The following PTTG1IP variants were observed in gnomAD, a reference collection of about 807,000 sequenced individuals.
PTTG1IP encodes pituitary tumor-transforming gene 1 protein-interacting protein.
A neutral mutation model predicts 24.4 loss-of-function variants in PTTG1IP; 16 were observed. The observed-to-expected ratio is 0.66, with a 90% CI of 0.44 to 1.00. The LOEUF (loss-of-function observed/expected upper bound fraction) is 1.00, where lower values mean the gene tolerates loss of function less well. Ranked by LOEUF, PTTG1IP falls within the 50% of genes least tolerant of loss-of-function variation. The probability of loss-of-function intolerance (pLI) is 0.00; values close to 1 mark genes in which losing one functional copy is unlikely to be tolerated. For synonymous variants in PTTG1IP, 89 were observed against 96.8 expected (o/e 0.92, Z 0.47); for missense variants, 241 against 245.8 (o/e 0.98, Z 0.13).
chr21:44,864,613 G>A (rs1040785208), intron 2 of PTTG1IP, among the ~76,000 whole-genome samples: 4 of 152,284 alleles, frequency 2.6e-5, no homozygotes, highest in Middle Eastern at 3.4e-3. Flanking sequence ...TGGTCAGGCT[G>A]GTCTCCAACT....
At chr21:44,852,824 T>C (rs995878083) in intron 5 of PTTG1IP, among the ~76,000 whole-genome samples, 1 of 152,228 alleles carries the variant, frequency 6.6e-6, no homozygotes, top group South Asian at 2.1e-4. Context: ...TGGTATTTTA[T>C]ATAACTGCAC....
chr21:44,870,163 T>C (rs1335580165), intron 1 of PTTG1IP, among the ~76,000 whole-genome samples: 2 of 152,146 alleles, frequency 1.3e-5, no homozygotes, highest in Non-Finnish European at 2.9e-5. Context: ...AAAACACCAA[T>C]GTTTACAGTC....
At chr21:44,856,077 A>G (rs570572803) in intron 4 of PTTG1IP, 116 bp downstream of exon 4, 474 of 1,593,738 alleles carry the variant, frequency 3.0e-4, no homozygotes, top group Non-Finnish European at 3.9e-4. Flanking sequence ...CACTATACAC[A>G]TTCTTAATTT....
At chr21:44,870,067 C>A (rs752141914) in intron 1 of PTTG1IP, among the ~76,000 whole-genome samples, 9 of 152,184 alleles carry the variant, frequency 5.9e-5, no homozygotes, top group Non-Finnish European at 1.2e-4. Context: ...AGCGGAGAGG[C>A]ATGAGAGGAA....
At chr21:44,853,323 C>G (rs1422675413) in intron 5 of PTTG1IP, among the ~76,000 whole-genome samples, 6 of 152,060 alleles carry the variant, frequency 3.9e-5, no homozygotes, top group African/African-American at 1.4e-4. Flanking sequence ...CTGGCTAACA[C>G]AGTGAAACCC....
Position 44,851,421 on chromosome 21 carries a change from A to G in PTTG1IP, c.*160T>C, listed in dbSNP as rs779771088. The G allele has an allele frequency of 6.3e-6, 10 of 1,589,126 alleles. No homozygotes were observed. Among genetic ancestry groups the G allele is most frequent in the Non-Finnish European group, 7.7e-6 (9 of 1,171,222 alleles). Reference sequence around the variant, plus strand: ...GGTCACCAGTCTGCAAGACGAGAGGACTGTCCTTCAGGGGCAGCTCTCCGG... The same window carrying G: ...GGTCACCAGTCTGCAAGACGAGAGGGCTGTCCTTCAGGGGCAGCTCTCCGG... On this transcript the variant is annotated 3_prime_UTR_variant, in exon 6 of 6. Coordinates refer to ENST00000330938, the MANE Select transcript of PTTG1IP (RefSeq NM_004339.4).
At chr21:44,861,699 A>G (rs1172595882) in intron 2 of PTTG1IP, 1 of 715,446 alleles carries the variant, frequency 1.4e-6, no homozygotes, top group Admixed American at 2.0e-5. Context: ...ACTGGACACA[A>G]CCAGCCGCCT....
At chr21:44,871,392 T>A (rs997590248) in intron 1 of PTTG1IP, among the ~76,000 whole-genome samples, 5 of 152,150 alleles carry the variant, frequency 3.3e-5, no homozygotes, top group Non-Finnish European at 7.4e-5. Flanking sequence ...TTCCTCCAGA[T>A]GAAGCTCTTG....
Position 44,873,621 on chromosome 21 carries a change from G to T in PTTG1IP, c.-5C>A, listed in dbSNP as rs1214023821. 7.0e-7 allele frequency: 1 copy of T among 1,422,960 alleles called. No individual in the cohort carries two copies. Among genetic ancestry groups the T allele is most frequent in the Non-Finnish European group, 9.2e-7 (1 of 1,090,126 alleles). The allele number at this position is 1,422,960 out of a possible 1,614,324, so 88.1% of individuals were successfully genotyped here. On this transcript the variant is annotated 5_prime_UTR_variant, in exon 1 of 6. Coordinates refer to ENST00000330938, the MANE Select transcript of PTTG1IP (RefSeq NM_004339.4). ...GCGGGCCACTCCGGGCGCCATGGTC[G>T]GCCGGTCGCTCTATCAGTCAGTGGA...
Position 44,851,338 on chromosome 21 carries a change from CA to C in PTTG1IP, c.*242del. ...GAAGAGTATAAAAAAGCCCAAACCC[CA>C]AAGATTTCTTATTTCAAGTGACTAA... On this transcript the variant is annotated 3_prime_UTR_variant, in exon 6 of 6. Coordinates refer to ENST00000330938, the MANE Select transcript of PTTG1IP (RefSeq NM_004339.4). The C allele has an allele frequency of 1.3e-6, 2 of 1,500,976 alleles. No homozygotes were observed. Among genetic ancestry groups the C allele is most frequent in the Non-Finnish European group, 1.8e-6 (2 of 1,122,044 alleles). 93.0% of individuals were successfully genotyped at this position (1,500,976 alleles called of 1,614,324 possible). A position where few individuals can be genotyped will look rare whatever the true frequency, so the allele number is the denominator to read the frequency against.
At chr21:44,871,078 T>C (rs2083580979) in intron 1 of PTTG1IP, among the ~76,000 whole-genome samples, 2 of 152,214 alleles carry the variant, frequency 1.3e-5, no homozygotes, top group Admixed American at 1.3e-4. Flanking sequence ...AACAACTACA[T>C]TGTCAATTCC....
rs1601239856 is a variant in PTTG1IP, at chr21:44,851,233, G to A, written c.*348C>T. The A allele has an allele frequency of 8.8e-6, 10 of 1,133,304 alleles. No individual in the cohort carries two copies. Among genetic ancestry groups the A allele is most frequent in the African/African-American group, 1.6e-5 (1 of 63,474 alleles). 70.2% of individuals were successfully genotyped at this position (1,133,304 alleles called of 1,614,324 possible). A position where few individuals can be genotyped will look rare whatever the true frequency, so the allele number is the denominator to read the frequency against. On this transcript the variant is annotated 3_prime_UTR_variant, in exon 6 of 6. Coordinates refer to ENST00000330938, the MANE Select transcript of PTTG1IP (RefSeq NM_004339.4). The stretch of plus-strand genomic sequence containing the variant: ...GTTAGTGGACAGAGAGAAACGCAGG[G>A]TTCTGCCCTGGGAGAATGACAGCCA...
At chr21:44,863,543 C>T (rs2083511217) in intron 2 of PTTG1IP, among the ~76,000 whole-genome samples, 1 of 152,228 alleles carries the variant, frequency 6.6e-6, no homozygotes, top group Non-Finnish European at 1.5e-5. Flanking sequence ...AGTCCCTCAG[C>T]CGCCTCATCC....
chr21:44,856,163 C>T, intron 4 of PTTG1IP, 30 bp downstream of exon 4: 10 of 1,613,950 alleles, frequency 6.2e-6, no homozygotes, highest in Non-Finnish European at 8.5e-6. Context: ...CTCGAAGTAA[C>T]CTTCCCAGCG....
At chr21:44,851,730 A>G in intron 5 of PTTG1IP, 103 bp from the exon 6 acceptor site, 1 of 1,408,192 alleles carries the variant, frequency 7.1e-7, no homozygotes, top group South Asian at 1.4e-5. Context: ...TACTGAGGCT[A>G]TAGCAACAAC....
chr21:44,858,550 C>G (rs2083465957), intron 3 of PTTG1IP, among the ~76,000 whole-genome samples: 1 of 152,208 alleles, frequency 6.6e-6, no homozygotes, highest in Non-Finnish European at 1.5e-5. Flanking sequence ...GCCCATCGCA[C>G]CCCACCCTCC....
At chr21:44,866,379 A>G (rs2083538327) in intron 1 of PTTG1IP, among the ~76,000 whole-genome samples, 1 of 105,972 alleles carries the variant, frequency 9.4e-6, no homozygotes, top group Non-Finnish European at 1.9e-5. Context: ...CCCATAACAC[A>G]CACACACACA....
chr21:44,852,212 T>C (rs1422361490), intron 5 of PTTG1IP, among the ~76,000 whole-genome samples: 2 of 152,194 alleles, frequency 1.3e-5, no homozygotes, highest in East Asian at 3.9e-4. Flanking sequence ...GACAGAGTTT[T>C]GCTCTTGTTG....
intron 5 of PTTG1IP, among the ~76,000 whole-genome samples, chr21:44,853,424 T>C (rs183809316): frequency 0.012 from 1,747 of 148,706 alleles, 11 homozygotes; most frequent in Non-Finnish European, 0.017. Context: ...AGAAGAATGG[T>C]GTGAACCTGG....
Sources: allele counts gnomAD v4.1 joint callset (sites outside exome capture counted in the v4.1 genomes callset), GRCh38; gene constraint gnomAD v4.1.1; transcripts MANE v1.5; gene names NCBI Gene and HGNC (gene_info 2026-07-23, HGNC 2026-07-21).